GRIA3: variants seen among roughly 807,000 people sequenced by gnomAD.
The protein encoded by GRIA3 is glutamate receptor 3.
GRIA3 carries 3 observed loss-of-function variants against 63.0 expected under a neutral mutation model. That is an observed-to-expected ratio of 0.05 (90% CI 0.02 to 0.12). The LOEUF (loss-of-function observed/expected upper bound fraction) is 0.12. GRIA3 is among the 10% of genes least tolerant of loss of function. The pLI is 1.00. For synonymous variants in GRIA3, 274 were observed against 257.9 expected (o/e 1.06, Z -0.60); for missense variants, 347 against 700.9 (o/e 0.50, Z 5.70).
chrX:123,413,177 G>A (rs1355491470), intron 10 of GRIA3, among the ~76,000 whole-genome samples: 1 of 110,697 alleles, frequency 9.0e-6, no homozygotes, highest in Non-Finnish European at 1.9e-5. Flanking sequence ...ACCAAGTAGG[G>A]TTTTTTTAAA....
intron 1 of GRIA3, chrX:123,185,015 T>C (rs1193791890): frequency 5.8e-6 from 2 of 347,722 alleles, no homozygotes; most frequent in Non-Finnish European, 1.1e-5. Flanking sequence ...GTGCAGCTCC[T>C]GGAAGTTGTC....
At chrX:123,276,987 G>A (rs1394465734) in intron 3 of GRIA3, among the ~76,000 whole-genome samples, 1 of 111,632 alleles carries the variant, frequency 9.0e-6, no homozygotes, top group East Asian at 2.8e-4. Context: ...TACTGTATTG[G>A]ACAGTGCAAA....
chrX:123,380,739 G>T (rs1452549081), intron 5 of GRIA3, among the ~76,000 whole-genome samples: 1 of 111,659 alleles, frequency 9.0e-6, no homozygotes, highest in Non-Finnish European at 1.9e-5. Flanking sequence ...GTCCTGAATT[G>T]TATTGCCTAG....
At chrX:123,374,052 C>G (rs925615767) in intron 5 of GRIA3, among the ~76,000 whole-genome samples, 2 of 111,615 alleles carry the variant, frequency 1.8e-5, no homozygotes, top group Non-Finnish European at 3.8e-5. Flanking sequence ...AGGAAGGGAT[C>G]CAGTTTCAGC....
intron 2 of GRIA3, among the ~76,000 whole-genome samples, chrX:123,198,562 CT>C (rs1174353892): frequency 9.0e-6 from 1 of 111,593 alleles, no homozygotes; most frequent in South Asian, 3.7e-4. Context: ...GAATTTGTAG[CT>C]GAAAAGAAGC....
At chrX:123,284,626 G>A (rs766257355) in intron 3 of GRIA3, among the ~76,000 whole-genome samples, 2 of 109,746 alleles carry the variant, frequency 1.8e-5, no homozygotes, top group South Asian at 3.9e-4. Context: ...TAGCTGAATC[G>A]ATCAAGCAGA....
intron 11 of GRIA3, among the ~76,000 whole-genome samples, chrX:123,426,800 A>C (rs997244040): frequency 1.8e-5 from 2 of 112,508 alleles, no homozygotes; most frequent in Non-Finnish European, 3.8e-5. Flanking sequence ...CTACTAACTG[A>C]ATAAACAGTG....
At chrX:123,422,247 G>A (rs2045567409) in intron 11 of GRIA3, among the ~76,000 whole-genome samples, 1 of 112,207 alleles carries the variant, frequency 8.9e-6, no homozygotes, top group African/African-American at 3.2e-5. Context: ...AAGACATCAT[G>A]AGAAAAACTG....
chrX:123,256,777 T>C (rs971894100), intron 3 of GRIA3, among the ~76,000 whole-genome samples: 4 of 110,805 alleles, frequency 3.6e-5, no homozygotes, highest in African/African-American at 1.3e-4. Flanking sequence ...GAGAATGGAG[T>C]GTGGTGCAAG....
intron 1 of GRIA3, chrX:123,184,935 C>G (rs931376471): frequency 1.1e-4 from 46 of 434,632 alleles, no homozygotes; most frequent in Non-Finnish European, 1.9e-4. Flanking sequence ...GAGCAGGAGG[C>G]TGGGATGCTG....
At chrX:123,208,263 G>C (rs1036948717) in intron 2 of GRIA3, among the ~76,000 whole-genome samples, 1 of 112,133 alleles carries the variant, frequency 8.9e-6, no homozygotes, top group African/African-American at 3.2e-5. Flanking sequence ...AGCAGGATAG[G>C]TTACACAGAA....
chrX:123,438,097 A>G (rs774588158), intron 12 of GRIA3, among the ~76,000 whole-genome samples: 2 of 112,205 alleles, frequency 1.8e-5, no homozygotes, highest in East Asian at 5.6e-4. Flanking sequence ...TACTAATTCC[A>G]AAATATTTTC....
At chrX:123,266,910 A>G (rs1015814599) in intron 3 of GRIA3, among the ~76,000 whole-genome samples, 1 of 109,875 alleles carries the variant, frequency 9.1e-6, no homozygotes, top group East Asian at 2.9e-4. Context: ...GGTAAATGAT[A>G]TATCTTCGAA....
chrX:123,473,483 A>G (rs1007437092), intron 13 of GRIA3, among the ~76,000 whole-genome samples: 8 of 112,037 alleles, frequency 7.1e-5, no homozygotes, highest in African/African-American at 1.9e-4. Context: ...GCCTGCCTGT[A>G]CATGCCTGTT....
At chrX:123,256,600 T>C (rs953366597) in intron 3 of GRIA3, among the ~76,000 whole-genome samples, 3 of 111,656 alleles carry the variant, frequency 2.7e-5, no homozygotes, top group African/African-American at 9.8e-5. Context: ...GGATAACAAG[T>C]AGGTAGAAAG....
chrX:123,434,079 C>A (rs776302583), intron 12 of GRIA3, among the ~76,000 whole-genome samples: 9 of 111,576 alleles, frequency 8.1e-5, no homozygotes, highest in African/African-American at 2.9e-4. Context: ...TATAACAGGG[C>A]TTTTGAAGTA....
chrX:123,273,149 C>T (rs1231501436), intron 3 of GRIA3, among the ~76,000 whole-genome samples: 1 of 111,439 alleles, frequency 9.0e-6, no homozygotes, highest in African/African-American at 3.3e-5. Context: ...CTGGGCCCTT[C>T]GTCCCCACCA....
chrX:123,389,021 A>G (rs1398269441), intron 5 of GRIA3, among the ~76,000 whole-genome samples: 1 of 112,102 alleles, frequency 8.9e-6, no homozygotes, highest in African/African-American at 3.2e-5. Context: ...GTATTTGTAT[A>G]GTTTCCAAAG....
intron 5 of GRIA3, among the ~76,000 whole-genome samples, chrX:123,386,165 G>T (rs992760841): frequency 1.6e-4 from 18 of 110,940 alleles, no homozygotes; most frequent in African/African-American, 5.6e-4. Context: ...TTTTTGTGTG[G>T]TTTTAATTTG....
Sources: gnomAD v4.1 joint callset for allele counts (sites outside exome capture counted in the v4.1 genomes callset) on GRCh38, gnomAD v4.1.1 for gene constraint, MANE v1.5 for transcripts, NCBI Gene and HGNC (gene_info 2026-07-23, HGNC 2026-07-21) for gene names.